KCNT2: variants seen among roughly 807,000 people sequenced by gnomAD.
The protein encoded by KCNT2 is potassium channel subfamily T member 2.
A neutral mutation model predicts 153.8 loss-of-function variants in KCNT2; 67 were observed. The ratio of observed to expected loss-of-function variants is 0.44; its 90% confidence interval spans 0.36 to 0.53. The LOEUF is 0.53. Ranked by LOEUF, KCNT2 falls within the 20% of genes least tolerant of loss-of-function variation. The pLI, the probability that KCNT2 is intolerant of heterozygous loss-of-function variation, is 0.00. For synonymous variants in KCNT2, 500 were observed against 458.8 expected (o/e 1.09, Z -1.15); for missense variants, 975 against 1,354.8 (o/e 0.72, Z 4.40).
chr1:196,255,298 T>C (rs1558070713), intron 26 of KCNT2, among the ~76,000 whole-genome samples: 1 of 151,826 alleles, frequency 6.6e-6, no homozygotes, highest in Non-Finnish European at 1.5e-5. Flanking sequence ...TTTATTATCT[T>C]CATTTGATGG....
chr1:196,289,022 C>A (rs985847650), intron 22 of KCNT2, among the ~76,000 whole-genome samples: 1 of 152,034 alleles, frequency 6.6e-6, no homozygotes, highest in South Asian at 2.1e-4. Context: ...ATCTACATCC[C>A]ACTGTGATTA....
At chr1:196,273,242 CT>C (rs1178227737) in intron 25 of KCNT2, among the ~76,000 whole-genome samples, 8 of 151,762 alleles carry the variant, frequency 5.3e-5, no homozygotes, top group Non-Finnish European at 8.8e-5. Context: ...GAAACAAATA[CT>C]TCTTAGAATT....
At chr1:196,505,604 C>T (rs1302089399) in intron 1 of KCNT2, among the ~76,000 whole-genome samples, 6 of 152,160 alleles carry the variant, frequency 3.9e-5, no homozygotes, top group Admixed American at 2.6e-4. Context: ...AAGGTAGTTT[C>T]TTCCAATTCT....
intron 19 of KCNT2, among the ~76,000 whole-genome samples, chr1:196,320,236 T>C (rs543813115): frequency 1.3e-5 from 2 of 151,932 alleles, no homozygotes; most frequent in South Asian, 4.1e-4. Flanking sequence ...CCTTAGAAAC[T>C]GCTTAATCTA....
chr1:196,376,199 T>C (rs1668954944), intron 13 of KCNT2, among the ~76,000 whole-genome samples: 1 of 151,916 alleles, frequency 6.6e-6, no homozygotes, highest in South Asian at 2.1e-4. Flanking sequence ...TTTCCCATTG[T>C]CATTCTCACT....
intron 4 of KCNT2, 97 bp from the exon 5 acceptor site, chr1:196,479,335 GTA>G: frequency 2.9e-6 from 2 of 694,460 alleles, no homozygotes; most frequent in Non-Finnish European, 5.0e-6. Flanking sequence ...ATATGTGCAT[GTA>G]TACATATATG....
At chr1:196,412,585 A>G (rs1276925677) in intron 12 of KCNT2, among the ~76,000 whole-genome samples, 1 of 151,652 alleles carries the variant, frequency 6.6e-6, no homozygotes, top group Admixed American at 6.6e-5. Context: ...TGACAAGACA[A>G]TAGAATAGTG....
chr1:196,601,553 T>A (rs953175954), intron 1 of KCNT2, among the ~76,000 whole-genome samples: 1 of 152,206 alleles, frequency 6.6e-6, no homozygotes. Flanking sequence ...AATTTTGAAA[T>A]GATAAAGACC....
At chr1:196,587,680 T>A (rs1572905100) in intron 1 of KCNT2, among the ~76,000 whole-genome samples, 1 of 151,968 alleles carries the variant, frequency 6.6e-6, no homozygotes, top group South Asian at 2.1e-4. Context: ...AGAAAAAAAA[T>A]TACTTTCCAT....
At chr1:196,353,478 G>C (rs1349047282) in intron 14 of KCNT2, among the ~76,000 whole-genome samples, 1 of 151,838 alleles carries the variant, frequency 6.6e-6, no homozygotes, top group Non-Finnish European at 1.5e-5. Context: ...GTTCCTCTCA[G>C]CATAGTAACT....
intron 25 of KCNT2, among the ~76,000 whole-genome samples, chr1:196,263,833 C>T (rs1216627107): frequency 2.0e-5 from 3 of 152,096 alleles, no homozygotes; most frequent in Non-Finnish European, 2.9e-5. Context: ...CAAATATAGT[C>T]ACTGTTATAT....
chr1:196,444,095 TAAG>T (rs1325660706), intron 8 of KCNT2, among the ~76,000 whole-genome samples: 1 of 151,210 alleles, frequency 6.6e-6, no homozygotes, highest in African/African-American at 2.4e-5. Context: ...GCAAAAAACA[TAAG>T]AGAGAGAGAG....
At chr1:196,546,764 A>C (rs1223196642) in intron 1 of KCNT2, among the ~76,000 whole-genome samples, 1 of 152,028 alleles carries the variant, frequency 6.6e-6, no homozygotes, top group East Asian at 1.9e-4. Context: ...TCAGAAAGTC[A>C]AAAAAATCAT....
At chr1:196,554,504 C>A (rs1243120524) in intron 1 of KCNT2, among the ~76,000 whole-genome samples, 2 of 150,544 alleles carry the variant, frequency 1.3e-5, no homozygotes, top group African/African-American at 4.9e-5. Flanking sequence ...AATATTGAAG[C>A]CATAATAACA....
intron 1 of KCNT2, among the ~76,000 whole-genome samples, chr1:196,529,891 T>C (rs997021414): frequency 7.2e-5 from 11 of 152,098 alleles, no homozygotes; most frequent in African/African-American, 2.7e-4. Context: ...ATATAACCTA[T>C]GATCTTTACT....
chr1:196,587,753 C>A (rs972987549), intron 1 of KCNT2, among the ~76,000 whole-genome samples: 2 of 151,862 alleles, frequency 1.3e-5, no homozygotes, highest in East Asian at 3.9e-4. Flanking sequence ...GAGTATGTAA[C>A]CCAAACTCTT....
At chr1:196,384,556 G>T (rs1364128151) in intron 13 of KCNT2, among the ~76,000 whole-genome samples, 1 of 151,824 alleles carries the variant, frequency 6.6e-6, no homozygotes, top group African/African-American at 2.4e-5. Context: ...AATTAGCTGG[G>T]CATGGTGGTG....
chr1:196,271,710 G>A (rs570631636), intron 25 of KCNT2, among the ~76,000 whole-genome samples: 16 of 151,892 alleles, frequency 1.1e-4, no homozygotes, highest in Non-Finnish European at 2.1e-4. Flanking sequence ...TTACAGATGA[G>A]CTCAGACTCA....
At chr1:196,589,065 C>T (rs879604549) in intron 1 of KCNT2, among the ~76,000 whole-genome samples, 2 of 151,910 alleles carry the variant, frequency 1.3e-5, no homozygotes, top group Non-Finnish European at 2.9e-5. Flanking sequence ...ACGATATATT[C>T]ATATTATAGA....
Sources: allele counts gnomAD v4.1 joint callset (sites outside exome capture counted in the v4.1 genomes callset), GRCh38; gene constraint gnomAD v4.1.1; transcripts MANE v1.5; gene names NCBI Gene and HGNC (gene_info 2026-07-23, HGNC 2026-07-21).